LTBP1: variants seen among roughly 807,000 people sequenced by gnomAD.
LTBP1 encodes the protein latent-transforming growth factor beta-binding protein 1.
Under a neutral mutation model 207.6 loss-of-function variants are expected in LTBP1, and 129 were observed. The observed-to-expected ratio is 0.62, with a 90% CI of 0.54 to 0.72. LTBP1 has a LOEUF of 0.72. LTBP1 is among the 30% of genes least tolerant of loss of function. The probability of loss-of-function intolerance (pLI) is 0.00; values close to 1 mark genes in which losing one functional copy is unlikely to be tolerated. For synonymous variants in LTBP1, 963 were observed against 833.7 expected (o/e 1.16, Z -2.67); for missense variants, 2,281 against 2,217.2 (o/e 1.03, Z -0.58).
At chr2:32,995,242 A>G (rs1323947036) in intron 2 of LTBP1, among the ~76,000 whole-genome samples, 1 of 151,912 alleles carries the variant, frequency 6.6e-6, no homozygotes, top group African/African-American at 2.4e-5. Flanking sequence ...AAACCACCAG[A>G]GTGCTCCACA....
At position 33,309,422 on chromosome 2, in the gene LTBP1, A is replaced by T. The variant is rs750933768; in HGVS notation, c.3482-12A>T. 1 of 1,574,068 alleles carries T rather than the reference A, an allele frequency of 6.4e-7. No homozygotes were observed. Among genetic ancestry groups the T allele is most frequent in the Non-Finnish European group, 8.6e-7 (1 of 1,167,692 alleles). On this transcript the variant is annotated splice_polypyrimidine_tract_variant and intron_variant, in intron 22 of 33. Transcript: ENST00000404816. ...TTATTTAGTCTTTAAAAATTTTTAA[A>T]TTGGTTTTTAGATATCAATGAATGC... is the stretch of plus-strand genomic sequence containing the variant.
In LTBP1 at chr2:33,133,804, A is replaced by C. The variant is rs563620737; in HGVS notation, c.1034-989A>C. ...AAGTTAGAAGTGTGTAGAAAATGCCAGTTTCAATTCTCTCAAGTTTTGGAA... is the reference window on the plus strand; with the variant it reads ...AAGTTAGAAGTGTGTAGAAAATGCCCGTTTCAATTCTCTCAAGTTTTGGAA... On this transcript the variant is annotated intron_variant, in intron 4 of 33. Coordinates refer to ENST00000404816, the MANE Select transcript of LTBP1 (RefSeq NM_206943.4). Among the ~76,000 whole-genome samples, 8 of 152,340 alleles carry C rather than the reference A, an allele frequency of 5.3e-5. No individual in the cohort carries two copies. In the East Asian group the frequency reaches 1.5e-3, roughly 29 times the overall value.
chr2:33,378,616 G>C (rs1404623103), intron 31 of LTBP1, among the ~76,000 whole-genome samples: 1 of 152,174 alleles, frequency 6.6e-6, no homozygotes. Flanking sequence ...TAAGAAGCAT[G>C]AACTGTGATG....
At chr2:33,121,070 C>G (rs2081079928) in intron 4 of LTBP1, among the ~76,000 whole-genome samples, 1 of 150,746 alleles carries the variant, frequency 6.6e-6, no homozygotes, top group Non-Finnish European at 1.5e-5. Flanking sequence ...GATCCACTTT[C>G]TGACCACTTA....
At chr2:33,006,102 A>G (rs1012775287) in intron 2 of LTBP1, among the ~76,000 whole-genome samples, 1 of 152,118 alleles carries the variant, frequency 6.6e-6, no homozygotes, top group Admixed American at 6.5e-5. Flanking sequence ...AAAAATCAGT[A>G]CTAGGAATAC....
chr2:33,331,014 AT>A (rs1369702945), intron 24 of LTBP1, among the ~76,000 whole-genome samples: 1 of 151,816 alleles, frequency 6.6e-6, no homozygotes, highest in Non-Finnish European at 1.5e-5. Flanking sequence ...TTTCCAAGGA[AT>A]TTATCCATTT....
In LTBP1 at chr2:32,978,517, G is replaced by A. The variant is rs1034032914; in HGVS notation, c.565+29572G>A. On this transcript the variant is annotated intron_variant, in intron 2 of 33. Coordinates refer to ENST00000404816, the MANE Select transcript of LTBP1 (RefSeq NM_206943.4). Reference sequence around the variant, plus strand: ...TGATGTATCACATTGATTTGCATATGTTGAACCATCCTTGCAACCCCGGGA... The same window carrying A: ...TGATGTATCACATTGATTTGCATATATTGAACCATCCTTGCAACCCCGGGA... 3.9e-5 allele frequency among the ~76,000 whole-genome samples: 6 copies of A among 152,024 alleles called. No homozygotes were observed. In the East Asian group the frequency reaches 1.2e-3, roughly 29 times the overall value.
intron 26 of LTBP1, among the ~76,000 whole-genome samples, chr2:33,358,887 A>G (rs1339310720): frequency 2.0e-5 from 3 of 152,162 alleles, no homozygotes; most frequent in Non-Finnish European, 4.4e-5. Flanking sequence ...TTCCATGTCT[A>G]AGAGCTTGGA....
intron 3 of LTBP1, among the ~76,000 whole-genome samples, chr2:33,054,174 C>T (rs1408315354): frequency 6.6e-6 from 1 of 152,230 alleles, no homozygotes; most frequent in Non-Finnish European, 1.5e-5. Flanking sequence ...AGAGGAATTA[C>T]TGCCTCACTG....
intron 3 of LTBP1, among the ~76,000 whole-genome samples, chr2:33,101,247 C>CA (rs1225776336): frequency 2.0e-5 from 3 of 151,764 alleles, no homozygotes; most frequent in Non-Finnish European, 2.9e-5. Context: ...CAAATAACTT[C>CA]AAAAAAAATT....
chr2:33,061,912 A>G (rs773222315), intron 3 of LTBP1, among the ~76,000 whole-genome samples: 2 of 152,146 alleles, frequency 1.3e-5, no homozygotes, highest in Non-Finnish European at 2.9e-5. Flanking sequence ...TTATCATTTT[A>G]TCTTTCTATT....
At position 33,188,986 on chromosome 2, in the gene LTBP1, G is replaced by T. The variant is rs933880910; in HGVS notation, c.1701+135G>T. On this transcript the variant is annotated intron_variant, in intron 7 of 33. Coordinates refer to ENST00000404816, the MANE Select transcript of LTBP1 (RefSeq NM_206943.4). ...AACTATGACTTGTGGCCATATTTTTGTAAATAAAGTTTTATTGCCACACTC... is the reference window on the plus strand; with the variant it reads ...AACTATGACTTGTGGCCATATTTTTTTAAATAAAGTTTTATTGCCACACTC... The T allele has an allele frequency of 4.1e-5, 43 of 1,038,800 alleles. No individual in the cohort carries two copies. The Admixed American group carries it at 5.0e-4, about 12-fold the overall frequency. 64.3% of individuals were successfully genotyped at this position (1,038,800 alleles called of 1,614,324 possible). A position where few individuals can be genotyped will look rare whatever the true frequency, so the allele number is the denominator to read the frequency against.
chr2:33,176,303 T>G (rs1360203099), intron 5 of LTBP1, among the ~76,000 whole-genome samples: 1 of 152,214 alleles, frequency 6.6e-6, no homozygotes. Flanking sequence ...CTCTGTTCAC[T>G]GCAAGCTCCG....
intron 3 of LTBP1, among the ~76,000 whole-genome samples, chr2:33,089,488 C>T (rs181222565): frequency 8.5e-5 from 13 of 152,244 alleles, no homozygotes; most frequent in African/African-American, 2.6e-4. Context: ...GGGCAGAGGC[C>T]ACCAATGCTG....
At chr2:33,067,977 G>T (rs1444619038) in intron 3 of LTBP1, among the ~76,000 whole-genome samples, 1 of 152,098 alleles carries the variant, frequency 6.6e-6, no homozygotes, top group African/African-American at 2.4e-5. Context: ...ATCAACAGAA[G>T]AATATAATAA....
intron 22 of LTBP1, among the ~76,000 whole-genome samples, chr2:33,306,834 A>T (rs1203541456): frequency 6.6e-6 from 1 of 152,156 alleles, no homozygotes; most frequent in Non-Finnish European, 1.5e-5. Flanking sequence ...TCACACCTGT[A>T]ATCCCAGCAC....
chr2:32,975,399 T>C (rs1681547707), intron 2 of LTBP1, among the ~76,000 whole-genome samples: 1 of 152,100 alleles, frequency 6.6e-6, no homozygotes, highest in African/African-American at 2.4e-5. Context: ...GTTCTATGTA[T>C]TTCCTGAATT....
intron 22 of LTBP1, among the ~76,000 whole-genome samples, chr2:33,309,151 T>C (rs2149145204): frequency 6.6e-6 from 1 of 151,786 alleles, no homozygotes; most frequent in East Asian, 1.9e-4. Context: ...GGCGTGGTGG[T>C]GGGCGCCTAT....
At chr2:33,045,071 C>T (rs574778753) in intron 3 of LTBP1, among the ~76,000 whole-genome samples, 1 of 152,220 alleles carries the variant, frequency 6.6e-6, no homozygotes, top group South Asian at 2.1e-4. Flanking sequence ...GTTGCCTGTT[C>T]ACTCTGATGA....
Sources: allele counts gnomAD v4.1 joint callset (sites outside exome capture counted in the v4.1 genomes callset), GRCh38; gene constraint gnomAD v4.1.1; transcripts MANE v1.5; gene names NCBI Gene and HGNC (gene_info 2026-07-23, HGNC 2026-07-21).